Variants in ZFHX3 observed in about 807,000 individuals in gnomAD.
The protein encoded by ZFHX3 is zinc finger homeobox protein 3.
Under a neutral mutation model 279.1 loss-of-function variants are expected in ZFHX3, and 42 were observed. That is an observed-to-expected ratio of 0.15 (90% CI 0.12 to 0.19). The LOEUF is 0.19. Among genes scored for constraint, ZFHX3 ranks in the 10% least tolerant of loss-of-function variants. The pLI is 1.00. For synonymous variants in ZFHX3, 2,293 were observed against 1,957.8 expected, an observed-to-expected ratio of 1.17 and a Z score of -4.52; for missense variants, 4,981 against 4,754.0, an observed-to-expected ratio of 1.05 and a Z score of -1.40.
At chr16:73,633,722 C>G (rs992557258) in intron 2 of ZFHX3, among the ~76,000 whole-genome samples, 1 of 152,102 alleles carries the variant, frequency 6.6e-6, no homozygotes, top group East Asian at 1.9e-4. Context: ...CACCAAGGGC[C>G]TTAAAAATGG....
At position 73,618,027 on chromosome 16, in the gene ZFHX3, C is replaced by G. The variant is rs2052322848; in HGVS notation, c.-1547+62153G>C. On this transcript the variant is annotated intron_variant, in intron 2 of 17. Transcript: ENST00000641206. ...TACATCATTAACTAATGTTCAGGCA[C>G]TGTCAGATCTCTCATAATGGAAAAT... 2.0e-5 allele frequency among the ~76,000 whole-genome samples: 3 copies of G among 152,208 alleles called. No individual in the cohort carries two copies. The South Asian group carries it at 6.2e-4, about 32-fold the overall frequency.
chr16:72,887,748 T>G (rs1006043448), intron 4 of ZFHX3, among the ~76,000 whole-genome samples: 4 of 150,812 alleles, frequency 2.7e-5, no homozygotes, highest in Admixed American at 1.3e-4. Flanking sequence ...GTATATGGCT[T>G]GTGTGGGTGT....
At chr16:73,023,884 A>G (rs1021685919) in intron 1 of ZFHX3, among the ~76,000 whole-genome samples, 2 of 152,232 alleles carry the variant, frequency 1.3e-5, no homozygotes, top group South Asian at 2.1e-4. Flanking sequence ...TCCGAGGGAC[A>G]CTTCCGTTTC....
At chr16:73,478,529 T>C (rs963096043) in intron 2 of ZFHX3, among the ~76,000 whole-genome samples, 1 of 152,202 alleles carries the variant, frequency 6.6e-6, no homozygotes, top group Non-Finnish European at 1.5e-5. Context: ...CTGGGCAAAC[T>C]GGGACCTCTT....
At chr16:73,048,680 A>T (rs563509736), upstream of ZFHX3, among the ~76,000 whole-genome samples, 1 of 152,364 alleles carries the variant, frequency 6.6e-6, no homozygotes, top group Admixed American at 6.5e-5. Flanking sequence ...CAGCCAGGCC[A>T]CTCAAGCATG....
intron 1 of ZFHX3, among the ~76,000 whole-genome samples, chr16:73,014,053 G>C (rs775785358): frequency 3.9e-5 from 6 of 152,152 alleles, no homozygotes; most frequent in Non-Finnish European, 8.8e-5. Context: ...TTACAACAGG[G>C]GCAAAGGAGA....
At chr16:73,195,490 C>T (rs1161334757) in intron 5 of ZFHX3, among the ~76,000 whole-genome samples, 1 of 142,164 alleles carries the variant, frequency 7.0e-6, no homozygotes, top group Non-Finnish European at 1.5e-5. Flanking sequence ...GTGATCTGGG[C>T]TCACTACAAC....
At chr16:73,251,877 ACACACAC>A (rs2013509181) in intron 5 of ZFHX3, among the ~76,000 whole-genome samples, 1 of 142,990 alleles carries the variant, frequency 7.0e-6, no homozygotes, top group Non-Finnish European at 1.5e-5. Context: ...CACACCATGC[ACACACAC>A]CACACACACA....
chr16:73,289,474 C>T (rs1335449629), intron 4 of ZFHX3, among the ~76,000 whole-genome samples: 6 of 152,050 alleles, frequency 3.9e-5, no homozygotes, highest in African/African-American at 4.8e-5. Context: ...GCTTTGCACG[C>T]CATGTGAAGA....
intron 1 of ZFHX3, among the ~76,000 whole-genome samples, chr16:73,037,225 C>T (rs1284881496): frequency 2.6e-5 from 4 of 152,152 alleles, no homozygotes; most frequent in African/African-American, 4.8e-5. Context: ...CTTAGGAATA[C>T]TGGGGTAAGG....
chr16:73,850,041 T>C (rs1961556035), intron 1 of ZFHX3, among the ~76,000 whole-genome samples: 1 of 152,168 alleles, frequency 6.6e-6, no homozygotes, highest in Admixed American at 6.5e-5. Context: ...CCAGCATTTA[T>C]TTTTAAAAGG....
intron 4 of ZFHX3, among the ~76,000 whole-genome samples, chr16:73,290,841 G>A (rs1489321128): frequency 1.3e-5 from 2 of 152,212 alleles, no homozygotes; most frequent in Non-Finnish European, 2.9e-5. Context: ...TAGAATTAAG[G>A]AACCTTGGTT....
At chr16:72,980,708 C>G (rs928777668) in intron 1 of ZFHX3, among the ~76,000 whole-genome samples, 1 of 151,968 alleles carries the variant, frequency 6.6e-6, no homozygotes. Context: ...GAGCTGTGAT[C>G]GCACCACTGT....
rs117448300 is a variant in ZFHX3 at position 73,313,036 on chromosome 16, G to A, written c.-1194+5204C>T. 2.0e-4 allele frequency among the ~76,000 whole-genome samples: 30 copies of A among 152,280 alleles called. No homozygotes were observed. The East Asian group carries it at 5.6e-3, about 28-fold the overall frequency. Reference sequence around the variant, plus strand: ...GTCATCCCCATGTGTCAGGGGACGGGCCTGGTGGGAGGTGACTGGATCATG... The same window carrying A: ...GTCATCCCCATGTGTCAGGGGACGGACCTGGTGGGAGGTGACTGGATCATG... On this transcript the variant is annotated intron_variant, in intron 4 of 17. Coordinates refer to the ZFHX3 transcript ENST00000641206.
intron 2 of ZFHX3, among the ~76,000 whole-genome samples, chr16:73,665,521 T>C (rs943338217): frequency 6.6e-6 from 1 of 151,670 alleles, no homozygotes; most frequent in African/African-American, 2.4e-5. Context: ...GCCTGACCAT[T>C]GTACATTTAA....
At chr16:73,075,004 T>A (rs1965870943) in intron 8 of ZFHX3, among the ~76,000 whole-genome samples, 3 of 152,116 alleles carry the variant, frequency 2.0e-5, no homozygotes, top group African/African-American at 7.2e-5. Flanking sequence ...GACGGGGTTT[T>A]GCCATGTTTC....
At chr16:73,822,636 T>G (rs1415415253) in intron 1 of ZFHX3, among the ~76,000 whole-genome samples, 1 of 152,212 alleles carries the variant, frequency 6.6e-6, no homozygotes, top group Non-Finnish European at 1.5e-5. Flanking sequence ...GGAATCGTTC[T>G]CATCATTTAC....
chr16:73,323,940 A>G (rs1327363299), intron 3 of ZFHX3, among the ~76,000 whole-genome samples: 1 of 152,238 alleles, frequency 6.6e-6, no homozygotes, highest in Non-Finnish European at 1.5e-5. Flanking sequence ...AGGGCTCTTC[A>G]AGCATCAAAG....
chr16:73,776,618 G>A (rs569954635), intron 1 of ZFHX3, among the ~76,000 whole-genome samples: 2 of 152,294 alleles, frequency 1.3e-5, no homozygotes, highest in Admixed American at 6.5e-5. Flanking sequence ...TATTGCTGAA[G>A]TGCTCGAATG....
Sources: allele counts gnomAD v4.1 joint callset (sites outside exome capture counted in the v4.1 genomes callset), GRCh38; gene constraint gnomAD v4.1.1; transcripts MANE v1.5; gene names NCBI Gene and HGNC (gene_info 2026-07-23, HGNC 2026-07-21).